The following TSPAN11 variants were observed in gnomAD, a reference collection of about 807,000 sequenced individuals.
TSPAN11 encodes the protein tetraspanin 11, also known as tetraspanin-11.
In TSPAN11, 29 loss-of-function variants were observed where a neutral mutation model predicts 32.9. The observed-to-expected ratio is 0.88, with a 90% CI of 0.66 to 1.20. TSPAN11 has a LOEUF of 1.20. Ranked by LOEUF, TSPAN11 falls within the 50% of genes most tolerant of loss-of-function variation. TSPAN11 has a pLI of 0.00. For missense variants in TSPAN11, 283 were observed against 329.1 expected, an observed-to-expected ratio of 0.86 and a Z score of 1.08; for synonymous variants, 140 against 141.3, an observed-to-expected ratio of 0.99 and a Z score of 0.07.
Position 30,985,632 on chromosome 12 carries a change from G to A in TSPAN11, c.702+2482G>A, listed in dbSNP as rs190123287. On this transcript the variant is annotated intron_variant, in intron 7 of 7. Coordinates refer to ENST00000546076, the MANE Select transcript of TSPAN11 (RefSeq NM_001370302.1). ...ACCTGTTACTCCAGGTGTTGAGGGG[G>A]CCTGCTCTGTATGGACACAGACCAG... 2.1e-3 allele frequency among the ~76,000 whole-genome samples: 327 copies of A among 152,310 alleles called. 2 individuals carry two copies. Among genetic ancestry groups the A allele is most frequent in the African/African-American group, 5.9e-3 (247 of 41,578 alleles).
intron 1 of TSPAN11, among the ~76,000 whole-genome samples, chr12:30,928,195 C>T (rs1001277324): frequency 2.6e-5 from 4 of 152,174 alleles, no homozygotes; most frequent in African/African-American, 4.8e-5. Flanking sequence ...GGAAAACTGG[C>T]GTTGATGTCT....
At chr12:31,003,965 G>A in the TSPAN11 span, among the ~76,000 whole-genome samples, 1 of 152,192 alleles carries the variant, frequency 6.6e-6, no homozygotes, top group East Asian at 1.9e-4. Flanking sequence ...GTTACTTAAA[G>A]ATGAAGAGAG....
chr12:30,952,740 G>A (rs1938406230), intron 1 of TSPAN11, among the ~76,000 whole-genome samples: 1 of 152,194 alleles, frequency 6.6e-6, no homozygotes, highest in Non-Finnish European at 1.5e-5. Flanking sequence ...CCCTGGCCCG[G>A]CATGTGTGTC....
At position 30,991,952 on chromosome 12, in the gene TSPAN11, C is replaced by T; in HGVS notation, c.*37C>T. On this transcript the variant is annotated 3_prime_UTR_variant, in exon 8 of 8. Coordinates refer to ENST00000546076, the MANE Select transcript of TSPAN11 (RefSeq NM_001370302.1). ...CTCCTCTTCCAACTGCCCCTCAAGA[C>T]AACATGTGGCCACATGCCATCTGCA... 1.2e-6 allele frequency: 2 copies of T among 1,612,042 alleles called. No individual in the cohort carries two copies. The highest frequency in any genetic ancestry group is 1.7e-6 in the Non-Finnish European group (2 of 1,178,222).
chr12:30,930,188 T>C (rs1937891743), intron 1 of TSPAN11, among the ~76,000 whole-genome samples: 1 of 152,070 alleles, frequency 6.6e-6, no homozygotes, highest in South Asian at 2.1e-4. Context: ...TAGAGGGAGT[T>C]GGGAAGGGGG....
the TSPAN11 span, among the ~76,000 whole-genome samples, chr12:31,010,895 G>A: frequency 1.3e-5 from 2 of 152,128 alleles, no homozygotes; most frequent in Admixed American, 1.3e-4. Context: ...AAGACCTGGA[G>A]GTGGGAAATG....
downstream of TSPAN11, chr12:30,998,859 C>A (rs1317687792): frequency 6.6e-6 from 1 of 152,154 alleles, no homozygotes; most frequent in African/African-American, 2.4e-5. Context: ...GGCCAGAGGT[C>A]AAATTCAACA....
chr12:31,013,703 A>G, the TSPAN11 span, among the ~76,000 whole-genome samples: 1 of 152,232 alleles, frequency 6.6e-6, no homozygotes, highest in Non-Finnish European at 1.5e-5. Flanking sequence ...AGTGGTGGGA[A>G]CACAGTCATC....
chr12:30,953,347 G>A (rs1938418590), intron 1 of TSPAN11, among the ~76,000 whole-genome samples: 1 of 152,172 alleles, frequency 6.6e-6, no homozygotes, highest in Admixed American at 6.5e-5. Flanking sequence ...CTTGCCCAAA[G>A]TATCACACAT....
At position 30,950,840 on chromosome 12, in the gene TSPAN11, A is replaced by G. The variant is rs138441538; in HGVS notation, c.-11-3141A>G. On this transcript the variant is annotated intron_variant, in intron 1 of 7. Transcript: ENST00000546076. ...AAGGGAGAAGAGAGACATCCCCTAC[A>G]CACACACATTGAGGATACCTCTGAT... Among the ~76,000 whole-genome samples the G allele has an allele frequency of 3.5e-4, 53 of 152,244 alleles. 2 individuals carry two copies. The East Asian group carries it at 0.01, about 29-fold the overall frequency.
chr12:30,971,466 A>G (rs1938849163), intron 3 of TSPAN11, among the ~76,000 whole-genome samples: 1 of 152,216 alleles, frequency 6.6e-6, no homozygotes, highest in Non-Finnish European at 1.5e-5. Context: ...CTGGCAGGAC[A>G]TGGTGGCTCA....
Position 30,979,759 on chromosome 12 carries a change from GTTAC to G in TSPAN11, c.456+94_456+97del, listed in dbSNP as rs1939051715. On this transcript the variant is annotated intron_variant, in intron 5 of 7. Coordinates refer to ENST00000546076, the MANE Select transcript of TSPAN11 (RefSeq NM_001370302.1). ...TTCCTTTCTGGGTGACCCTAGGCAA[GTTAC>G]TTACCCTCTCTGAGCTTCAAATGTC... The G allele has an allele frequency of 3.1e-6, 4 of 1,311,170 alleles. No individual in the cohort carries two copies. The East Asian group carries it at 7.1e-5, about 23-fold the overall frequency. The allele number at this position is 1,311,170 out of a possible 1,614,324, so 81.2% of individuals were successfully genotyped here.
chr12:31,009,390 G>A, the TSPAN11 span, among the ~76,000 whole-genome samples: 2 of 152,184 alleles, frequency 1.3e-5, no homozygotes, highest in African/African-American at 2.4e-5. Flanking sequence ...ACCTTTTGCC[G>A]GGTGCCTGTT....
chr12:30,950,068 G>C lies in TSPAN11; in HGVS notation c.-11-3913G>C, dbSNP rs113998974. On this transcript the variant is annotated intron_variant, in intron 1 of 7. Transcript: ENST00000546076. The stretch of plus-strand genomic sequence containing the variant: ...CCTGATGGGACCTCCTCTCTATGCT[G>C]TTCAGGCATCTGTCCCCTACTCTCC... 1.0e-3 allele frequency among the ~76,000 whole-genome samples: 159 copies of C among 152,162 alleles called. 1 individual carries two copies. Among genetic ancestry groups the C allele is most frequent in the African/African-American group, 3.7e-3 (155 of 41,516 alleles).
intron 3 of TSPAN11, among the ~76,000 whole-genome samples, chr12:30,968,641 G>A (rs1592484548): frequency 6.6e-6 from 1 of 152,164 alleles, no homozygotes; most frequent in East Asian, 1.9e-4. Context: ...GTGAATGGGG[G>A]CTCTGAAAAC....
intron 1 of TSPAN11, among the ~76,000 whole-genome samples, chr12:30,936,711 T>G (rs1432420227): frequency 1.3e-5 from 2 of 152,098 alleles, no homozygotes; most frequent in African/African-American, 4.8e-5. Context: ...TGGGTTGCAG[T>G]GGGAAGATAC....
chr12:30,980,483 C>T (rs1234112395), intron 5 of TSPAN11, among the ~76,000 whole-genome samples: 1 of 152,084 alleles, frequency 6.6e-6, no homozygotes. Context: ...CCGGATGTGT[C>T]CGTGTCAGAA....
At chr12:30,991,749 C>T in intron 7 of TSPAN11, 107 bp from the exon 8 acceptor site, 1 of 1,229,842 alleles carries the variant, frequency 8.1e-7, no homozygotes, top group South Asian at 1.3e-5. Flanking sequence ...GCCCTTTGCC[C>T]AGGCCCCAGG....
At chr12:30,972,623 C>T (rs529145147) in intron 3 of TSPAN11, among the ~76,000 whole-genome samples, 139 of 152,280 alleles carry the variant, frequency 9.1e-4, no homozygotes, top group African/African-American at 3.2e-3. Flanking sequence ...ACAACAGTGC[C>T]TTACCTAGCT....
Sources: gnomAD v4.1 joint callset for allele counts (sites outside exome capture counted in the v4.1 genomes callset) on GRCh38, gnomAD v4.1.1 for gene constraint, MANE v1.5 for transcripts, NCBI Gene and HGNC (gene_info 2026-07-23, HGNC 2026-07-21) for gene names.